The following SOCS7 variants were observed in gnomAD, a reference collection of about 807,000 sequenced individuals.
SOCS7 encodes the protein NAP-4.
Under a neutral mutation model 58.9 loss-of-function variants are expected in SOCS7, and 18 were observed. That is an observed-to-expected ratio of 0.31 (90% CI 0.21 to 0.45). The LOEUF is 0.45. SOCS7 is among the 20% of genes least tolerant of loss of function. The pLI is 1.00. For synonymous variants in SOCS7, 388 were observed against 364.3 expected, an observed-to-expected ratio of 1.06 and a Z score of -0.74; for missense variants, 667 against 837.3, an observed-to-expected ratio of 0.80 and a Z score of 2.51.
At position 38,364,773 on chromosome 17, in the gene SOCS7, A is replaced by G; in HGVS notation, c.1067A>G (p.Asp356Gly). 2 of 1,613,832 alleles carry G rather than the reference A, an allele frequency of 1.2e-6. No individual in the cohort carries two copies. Among genetic ancestry groups the G allele is most frequent in the South Asian group, 1.1e-5 (1 of 91,060 alleles). The change falls in exon 3 of 10, where the codon GAT becomes GGT. Residue 356 changes from aspartate to glycine, a missense_variant. Physicochemically the swap from Asp to Gly is moderately conservative, Grantham distance 94. This residue lies in a region of SOCS7 where 99 missense variants were observed against 122.9 expected (regional missense o/e 0.81). Coordinates refer to ENST00000612932, the MANE Select transcript of SOCS7 (RefSeq NM_014598.4). ...TCAGGTGAAACTGTGTCGCTTGTGGATGTGGACATTTCTCAGCGGGGCCTG... is the reference window on the plus strand; with the variant it reads ...TCAGGTGAAACTGTGTCGCTTGTGGGTGTGGACATTTCTCAGCGGGGCCTG... The part of the protein sequence containing the change: ...LFTGETVSLV[D>G]VDISQRGLTS...
chr17:38,375,277 C>T (rs1476426455), intron 6 of SOCS7, among the ~76,000 whole-genome samples: 1 of 152,118 alleles, frequency 6.6e-6, no homozygotes, highest in Admixed American at 6.6e-5. Flanking sequence ...TCTCCTACTT[C>T]CCCTTCCACC....
intron 6 of SOCS7, among the ~76,000 whole-genome samples, chr17:38,370,118 C>T (rs1465162889): frequency 6.6e-6 from 1 of 151,550 alleles, no homozygotes; most frequent in Non-Finnish European, 1.5e-5. Flanking sequence ...GTAACTCAAC[C>T]TCCCAAGTAG....
At position 38,387,506 on chromosome 17, in the gene SOCS7, T is replaced by C. The variant is rs1248374452; in HGVS notation, c.1682-7803T>C. On this transcript the variant is annotated intron_variant, in intron 7 of 9. Coordinates refer to ENST00000612932, the MANE Select transcript of SOCS7 (RefSeq NM_014598.4). ...ATATATACACAATACATAATATATATACACAATATATTGTATATATTATAT... is the reference window on the plus strand; with the variant it reads ...ATATATACACAATACATAATATATACACACAATATATTGTATATATTATAT... 8.4e-5 allele frequency among the ~76,000 whole-genome samples: 12 copies of C among 142,632 alleles called. No individual in the cohort carries two copies. In the South Asian group the frequency reaches 8.5e-4, roughly 10 times the overall value. The allele number at this position is 142,632 out of a possible 152,430, so 93.6% of individuals were successfully genotyped here.
intron 9 of SOCS7, among the ~76,000 whole-genome samples, chr17:38,396,663 G>T (rs899274278): frequency 6.6e-6 from 1 of 152,146 alleles, no homozygotes; most frequent in African/African-American, 2.4e-5. Context: ...TGCAATACTG[G>T]TTTGTGCAGA....
intron 7 of SOCS7, among the ~76,000 whole-genome samples, chr17:38,383,123 A>C (rs1234817122): frequency 6.6e-6 from 1 of 152,174 alleles, no homozygotes; most frequent in Non-Finnish European, 1.5e-5. Flanking sequence ...TTCTGGATCC[A>C]GAGCACCGAG....
intron 7 of SOCS7, among the ~76,000 whole-genome samples, chr17:38,388,362 T>C (rs932339518): frequency 2.0e-5 from 3 of 146,524 alleles, no homozygotes; most frequent in Non-Finnish European, 4.4e-5. Flanking sequence ...AAAAAAAAAA[T>C]ACAAAAATTA....
chr17:38,374,064 T>TA (rs1475808009), intron 6 of SOCS7, among the ~76,000 whole-genome samples: 1 of 140,512 alleles, frequency 7.1e-6, no homozygotes, highest in Non-Finnish European at 1.5e-5. Flanking sequence ...CTACTAAAAA[T>TA]ACAAAAATTA....
At chr17:38,382,439 A>C (rs1487201321) in intron 7 of SOCS7, among the ~76,000 whole-genome samples, 1 of 90,090 alleles carries the variant, frequency 1.1e-5, no homozygotes, top group Non-Finnish European at 2.2e-5. Flanking sequence ...CCCTATCTCA[A>C]AAAAAAAAAA....
rs2038306005 is a variant in SOCS7 at position 38,400,590 on chromosome 17, G to C, written c.*1108G>C. 6.6e-6 allele frequency: 1 copy of C among 152,222 alleles called. No individual in the cohort carries two copies. The highest frequency in any genetic ancestry group is 2.4e-5 in the African/African-American group (1 of 41,454). 9.4% of individuals were successfully genotyped at this position (152,222 alleles called of 1,614,324 possible). A position where few individuals can be genotyped will look rare whatever the true frequency, so the allele number is the denominator to read the frequency against. On this transcript the variant is annotated 3_prime_UTR_variant, in exon 10 of 10. Transcript: ENST00000612932. The stretch of plus-strand genomic sequence containing the variant: ...CCTCACGGGATTTCCTTAGGTCAGA[G>C]GAGAGCATCGCATCTCACGTTTTTA...
At chr17:38,380,364 C>T (rs2037985067) in intron 7 of SOCS7, among the ~76,000 whole-genome samples, 1 of 151,920 alleles carries the variant, frequency 6.6e-6, no homozygotes, top group Non-Finnish European at 1.5e-5. Flanking sequence ...GGCTCGGTGG[C>T]TCACGCCTGT....
At chr17:38,355,503 A>C (rs1308194223) in intron 1 of SOCS7, among the ~76,000 whole-genome samples, 1 of 151,956 alleles carries the variant, frequency 6.6e-6, no homozygotes, top group East Asian at 1.9e-4. Flanking sequence ...GTGGATCTGC[A>C]CCTCCTAAGT....
chr17:38,397,643 C>T (rs2038262097), intron 9 of SOCS7, among the ~76,000 whole-genome samples: 1 of 152,216 alleles, frequency 6.6e-6, no homozygotes, highest in Non-Finnish European at 1.5e-5. Context: ...CAAGAGCTTC[C>T]ATTCAGCAGA....
intron 1 of SOCS7, among the ~76,000 whole-genome samples, chr17:38,358,688 G>T (rs1309358850): frequency 6.6e-6 from 1 of 151,880 alleles, no homozygotes; most frequent in South Asian, 2.1e-4. Flanking sequence ...TTGTAGTTAG[G>T]CTTGTCTCCC....
chr17:38,381,791 C>G (rs1289969313), intron 7 of SOCS7, among the ~76,000 whole-genome samples: 1 of 151,514 alleles, frequency 6.6e-6, no homozygotes, highest in Non-Finnish European at 1.5e-5. Flanking sequence ...TGGTGAAACC[C>G]CATCTCTACT....
chr17:38,352,366 C>T lies in SOCS7; in HGVS notation c.314C>T (p.Pro105Leu), dbSNP rs1217654741. The change falls in exon 1 of 10, where the codon CCG becomes CTG. Residue 105 changes from proline to leucine, a missense_variant. Coordinates refer to ENST00000612932, the MANE Select transcript of SOCS7 (RefSeq NM_014598.4). The surrounding 1 kb of genome is among the most constrained non-coding windows in gnomAD (Gnocchi z 5.5). Reference protein sequence around the residue: ...HRCALDPKALPPGLALERTWG... With the variant: ...HRCALDPKALLPGLALERTWG... The stretch of plus-strand genomic sequence containing the variant: ...TGTGCCCTGGACCCCAAGGCCCTGC[C>T]GCCGGGCTTGGCGCTCGAGCGGACC... The T allele has an allele frequency of 1.4e-6, 2 of 1,447,308 alleles. No homozygotes were observed. Among genetic ancestry groups the T allele is most frequent in the African/African-American group, 1.5e-5 (1 of 66,500 alleles). The allele number at this position is 1,447,308 out of a possible 1,614,324, so 89.7% of individuals were successfully genotyped here.
chr17:38,352,365 C>T lies in SOCS7; in HGVS notation c.313C>T (p.Pro105Ser), dbSNP rs2037565222. The stretch of plus-strand genomic sequence containing the variant: ...CTGTGCCCTGGACCCCAAGGCCCTG[C>T]CGCCGGGCTTGGCGCTCGAGCGGAC... Reference protein sequence around the residue: ...HRCALDPKALPPGLALERTWG... With the variant: ...HRCALDPKALSPGLALERTWG... Residue 105 changes from proline to serine, a missense_variant, in exon 1 of 10, where the codon CCG becomes TCG. Coordinates refer to ENST00000612932, the MANE Select transcript of SOCS7 (RefSeq NM_014598.4). This position sits in a 1 kb window ranked among gnomAD's most constrained non-coding sequence, Gnocchi z 5.5. 6.9e-7 allele frequency: 1 copy of T among 1,448,008 alleles called. No individual in the cohort carries two copies. 89.7% of individuals were successfully genotyped at this position (1,448,008 alleles called of 1,614,324 possible). A position where few individuals can be genotyped will look rare whatever the true frequency, so the allele number is the denominator to read the frequency against.
At chr17:38,376,985 A>G (rs1159934049) in intron 6 of SOCS7, among the ~76,000 whole-genome samples, 1 of 152,224 alleles carries the variant, frequency 6.6e-6, no homozygotes, top group East Asian at 1.9e-4. Flanking sequence ...CATGCTATAC[A>G]GGTCTGTAGC....
chr17:38,394,220 G>C (rs1310464196), intron 7 of SOCS7, among the ~76,000 whole-genome samples: 1 of 152,148 alleles, frequency 6.6e-6, no homozygotes, highest in Non-Finnish European at 1.5e-5. Flanking sequence ...TAAGGGTGTG[G>C]TACTCCCATT....
chr17:38,352,915 A>C lies in SOCS7; in HGVS notation c.863A>C (p.Asn288Thr). 1 of 1,606,970 alleles carries C rather than the reference A, an allele frequency of 6.2e-7. No homozygotes were observed. The change falls in exon 1 of 10, where the codon AAC becomes ACC. Residue 288 changes from asparagine (N) to threonine (T), a missense_variant. Asn to Thr is a moderately conservative substitution (Grantham distance 65). This residue lies in a region of SOCS7 where 208 missense variants were observed against 190.3 expected (regional missense o/e 1.09). Coordinates refer to ENST00000612932, the MANE Select transcript of SOCS7 (RefSeq NM_014598.4). This position sits in a 1 kb window ranked among gnomAD's most constrained non-coding sequence, Gnocchi z 5.5. ...LSRLFRTKSC[N>T]GGSGGGDGTG... ...CGCCTCTTTCGCACCAAGAGCTGCA[A>C]CGGTGGCTCCGGCGGTGGGGATGGG... is the stretch of plus-strand genomic sequence containing the variant.
Sources: allele counts gnomAD v4.1 joint callset (sites outside exome capture counted in the v4.1 genomes callset), GRCh38; gene constraint gnomAD v4.1.1; regional missense constraint gnomAD v4.1.1; non-coding constraint Gnocchi (gnomAD v3.1); transcripts MANE v1.5; gene names NCBI Gene and HGNC (gene_info 2026-07-23, HGNC 2026-07-21).